Variants in ATP8A2 observed in about 807,000 individuals in gnomAD.
The protein encoded by ATP8A2 is phospholipid-transporting ATPase IB.
Under a neutral mutation model 165.6 loss-of-function variants are expected in ATP8A2, and 100 were observed. The ratio of observed to expected loss-of-function variants is 0.60; its 90% CI spans 0.51 to 0.71. The LOEUF (loss-of-function observed/expected upper bound fraction) is 0.71, where lower values mean the gene tolerates loss of function less well. ATP8A2 is among the 30% of genes least tolerant of loss of function. ATP8A2 has a pLI of 0.00. For missense variants in ATP8A2, 1,227 were observed against 1,479.5 expected, an observed-to-expected ratio of 0.83 and a Z score of 2.80; for synonymous variants, 543 against 548.8, an observed-to-expected ratio of 0.99 and a Z score of 0.15.
chr13:25,878,348 G>C (rs1952876279), intron 33 of ATP8A2, among the ~76,000 whole-genome samples: 1 of 152,054 alleles, frequency 6.6e-6, no homozygotes, highest in South Asian at 2.1e-4. Flanking sequence ...ACAGGAAAGA[G>C]GTCCCGATCC....
intron 24 of ATP8A2, among the ~76,000 whole-genome samples, chr13:25,683,121 G>A (rs959399715): frequency 9.2e-5 from 14 of 152,178 alleles, no homozygotes; most frequent in Non-Finnish European, 2.1e-4. Context: ...AAAATGACTT[G>A]CTGATATTAC....
intron 24 of ATP8A2, among the ~76,000 whole-genome samples, chr13:25,642,489 T>TG (rs1251577244): frequency 4.6e-5 from 7 of 152,000 alleles, no homozygotes; most frequent in African/African-American, 1.7e-4. Context: ...AACAGACACA[T>TG]AAAAAATGCT....
At chr13:25,720,371 C>A (rs545746179) in intron 25 of ATP8A2, among the ~76,000 whole-genome samples, 1 of 152,022 alleles carries the variant, frequency 6.6e-6, no homozygotes, top group South Asian at 2.1e-4. Context: ...ACCGTGTTCA[C>A]CAGGATGGTC....
intron 27 of ATP8A2, among the ~76,000 whole-genome samples, chr13:25,810,715 G>A (rs1950847557): frequency 6.6e-6 from 1 of 152,080 alleles, no homozygotes; most frequent in South Asian, 2.1e-4. Context: ...CTCAAATACT[G>A]GGACATGAAT....
intron 33 of ATP8A2, among the ~76,000 whole-genome samples, chr13:25,939,985 T>C (rs2139103482): frequency 6.6e-6 from 1 of 152,260 alleles, no homozygotes; most frequent in South Asian, 2.1e-4. Context: ...CACCATCTGC[T>C]TGACTCCGTG....
At chr13:25,957,594 T>C (rs1955556165) in intron 33 of ATP8A2, among the ~76,000 whole-genome samples, 1 of 152,160 alleles carries the variant, frequency 6.6e-6, no homozygotes, top group African/African-American at 2.4e-5. Context: ...AGAATTGTGA[T>C]TATTAAAAAG....
intron 35 of ATP8A2, among the ~76,000 whole-genome samples, chr13:25,988,225 G>C (rs929204137): frequency 2.6e-5 from 4 of 152,242 alleles, no homozygotes; most frequent in African/African-American, 9.6e-5. Context: ...TGGGGTCCCT[G>C]TCTGGTCCTG....
chr13:25,464,528 G>A (rs2035585275), intron 1 of ATP8A2, among the ~76,000 whole-genome samples: 1 of 151,856 alleles, frequency 6.6e-6, no homozygotes, highest in South Asian at 2.1e-4. Flanking sequence ...GAGACCTGGT[G>A]TGTATATGTT....
intron 25 of ATP8A2, among the ~76,000 whole-genome samples, chr13:25,766,509 G>A (rs1164932220): frequency 2.0e-5 from 3 of 152,174 alleles, no homozygotes; most frequent in Non-Finnish European, 4.4e-5. Context: ...TTTAGGGTAA[G>A]CATAGCTGCT....
intron 1 of ATP8A2, among the ~76,000 whole-genome samples, chr13:25,392,175 C>T (rs1010004564): frequency 6.6e-6 from 1 of 152,234 alleles, no homozygotes; most frequent in Non-Finnish European, 1.5e-5. Context: ...GAAGAACTTT[C>T]TGTTTCTTTG....
At chr13:25,386,700 T>G (rs964381148) in intron 1 of ATP8A2, among the ~76,000 whole-genome samples, 5 of 151,864 alleles carry the variant, frequency 3.3e-5, no homozygotes, top group Admixed American at 3.3e-4. Flanking sequence ...TTCAACTACT[T>G]ATTAAAAAAA....
chr13:25,680,058 A>C (rs1482477037), intron 24 of ATP8A2, among the ~76,000 whole-genome samples: 3 of 152,054 alleles, frequency 2.0e-5, no homozygotes, highest in African/African-American at 7.2e-5. Context: ...ACAGGAGAGA[A>C]ATTTCATGCT....
chr13:25,470,120 T>G (rs2035802509), intron 2 of ATP8A2, among the ~76,000 whole-genome samples: 1 of 152,208 alleles, frequency 6.6e-6, no homozygotes, highest in Admixed American at 6.5e-5. Context: ...GCACTAACAC[T>G]TGTACAAATG....
intron 2 of ATP8A2, among the ~76,000 whole-genome samples, chr13:25,505,959 AG>A (rs1490604309): frequency 3.3e-5 from 5 of 152,172 alleles, no homozygotes; most frequent in Non-Finnish European, 1.5e-5. Context: ...TGCAGAGTGT[AG>A]AGCTAGAGGT....
chr13:25,827,999 C>A, intron 27 of ATP8A2, 119 bp from the exon 28 acceptor site: 1 of 771,490 alleles, frequency 1.3e-6, no homozygotes, highest in Non-Finnish European at 2.3e-6. Flanking sequence ...GTCCCTGTGG[C>A]TCATGATTCC....
At chr13:25,931,412 C>A (rs1479051780) in intron 33 of ATP8A2, among the ~76,000 whole-genome samples, 3 of 152,182 alleles carry the variant, frequency 2.0e-5, no homozygotes, top group Non-Finnish European at 2.9e-5. Flanking sequence ...AAGGGATATT[C>A]AACCTGTATA....
intron 24 of ATP8A2, among the ~76,000 whole-genome samples, chr13:25,629,251 A>C (rs1222439148): frequency 6.6e-6 from 1 of 152,196 alleles, no homozygotes; most frequent in Non-Finnish European, 1.5e-5. Flanking sequence ...TCTAAGAATA[A>C]TTTGGCTCAA....
At chr13:25,935,484 A>G (rs1954860105) in intron 33 of ATP8A2, among the ~76,000 whole-genome samples, 1 of 152,184 alleles carries the variant, frequency 6.6e-6, no homozygotes, top group South Asian at 2.1e-4. Context: ...GAGGCTGGGT[A>G]GTTTATAAAG....
At chr13:25,776,708 G>A (rs2044750718) in intron 27 of ATP8A2, among the ~76,000 whole-genome samples, 1 of 152,166 alleles carries the variant, frequency 6.6e-6, no homozygotes, top group Admixed American at 6.5e-5. Flanking sequence ...AGTGTAAAGA[G>A]GTATCGTAGG....
Sources: gnomAD v4.1 joint callset for allele counts (sites outside exome capture counted in the v4.1 genomes callset) on GRCh38, gnomAD v4.1.1 for gene constraint, MANE v1.5 for transcripts, NCBI Gene and HGNC (gene_info 2026-07-23, HGNC 2026-07-21) for gene names.